COL10A1: variants seen among roughly 807,000 people sequenced by gnomAD.
COL10A1 encodes collagen type X alpha 1 chain.
A neutral mutation model predicts 18.2 loss-of-function variants in COL10A1; 10 were observed. The observed-to-expected ratio is 0.55, with a 90% CI of 0.34 to 0.93. COL10A1 has a LOEUF of 0.93. COL10A1 is among the 40% of genes least tolerant of loss of function. The probability of loss-of-function intolerance (pLI) is 0.02; values close to 1 mark genes in which losing one functional copy is unlikely to be tolerated. For missense variants in COL10A1, 897 were observed against 853.5 expected, an observed-to-expected ratio of 1.05 and a Z score of -0.64; for synonymous variants, 330 against 316.6, an observed-to-expected ratio of 1.04 and a Z score of -0.45.
At chr6:116,162,316 G>T (rs1780355141), upstream of COL10A1, among the ~76,000 whole-genome samples, 1 of 152,114 alleles carries the variant, frequency 6.6e-6, no homozygotes, top group East Asian at 1.9e-4. Context: ...TTACTATGTT[G>T]AATAGGAGTG....
chr6:116,135,600 T>G (rs1294545607), intron 1 of COL10A1, among the ~76,000 whole-genome samples: 2 of 151,696 alleles, frequency 1.3e-5, no homozygotes, highest in Non-Finnish European at 2.9e-5. Context: ...AAAAGCATTT[T>G]GCACGAGCTA....
At chr6:116,142,339 G>A (rs1440677203) in intron 1 of COL10A1, among the ~76,000 whole-genome samples, 1 of 150,580 alleles carries the variant, frequency 6.6e-6, no homozygotes, top group African/African-American at 2.4e-5. Context: ...GAGATTTCAA[G>A]TTGTAAAAAA....
rs530914126 is a variant in COL10A1, at chr6:116,119,757, A to ATT, written c.*314_*315dup. On this transcript the variant is annotated 3_prime_UTR_variant, in exon 3 of 3. Transcript: ENST00000651968. ...AGCTCTATTTCTGTTTTTTTTTTTA[A>ATT]TTTTTTTTTTGTTGTTTGTTTTTTG... 1.0e-4 allele frequency: 23 copies of ATT among 219,790 alleles called. No individual in the cohort carries two copies. The highest frequency in any genetic ancestry group is 1.9e-4 in the East Asian group (2 of 10,524). 13.6% of individuals were successfully genotyped at this position (219,790 alleles called of 1,614,324 possible).
upstream of COL10A1, among the ~76,000 whole-genome samples, chr6:116,163,143 T>TATATATATAC (rs1554197065): frequency 2.4e-4 from 19 of 79,086 alleles, no homozygotes; most frequent in African/African-American, 1.3e-3. Context: ...AAAAAAAAAA[T>TATATATATAC]ATATATATAT....
the COL10A1 span, among the ~76,000 whole-genome samples, chr6:116,181,325 A>T: frequency 6.6e-6 from 1 of 152,080 alleles, no homozygotes; most frequent in Admixed American, 6.6e-5. Context: ...TCTTACAGAA[A>T]TATTAGCAAA....
the COL10A1 span, among the ~76,000 whole-genome samples, chr6:116,188,618 A>G: frequency 6.6e-6 from 1 of 152,050 alleles, no homozygotes; most frequent in Non-Finnish European, 1.5e-5. Flanking sequence ...GTAAAGCCAG[A>G]AAAGTAAGGA....
chr6:116,209,374 A>G, the COL10A1 span, among the ~76,000 whole-genome samples: 2 of 152,072 alleles, frequency 1.3e-5, no homozygotes, highest in Admixed American at 1.3e-4. Context: ...TCCCACACAC[A>G]CTTACTTCTG....
intron 1 of COL10A1, among the ~76,000 whole-genome samples, chr6:116,138,326 G>C (rs948212275): frequency 4.6e-5 from 7 of 152,186 alleles, no homozygotes; most frequent in Non-Finnish European, 1.0e-4. Flanking sequence ...TAGGATTTAT[G>C]AGAAACAGTA....
chr6:116,122,608 T>C lies in COL10A1; in HGVS notation c.155-647A>G, dbSNP rs567703382. On this transcript the variant is annotated intron_variant, in intron 2 of 2. Coordinates refer to ENST00000651968, the MANE Select transcript of COL10A1 (RefSeq NM_000493.4). ...TACAAATATATAGTGTTTGATTTCA[T>C]AGAGCTGTGAGTTCACTTGACCTGA... Among the ~76,000 whole-genome samples, 5 of 152,348 alleles carry C rather than the reference T, an allele frequency of 3.3e-5. No homozygotes were observed. The East Asian group carries it at 5.8e-4, about 18-fold the overall frequency.
At chr6:116,206,300 C>T in the COL10A1 span, among the ~76,000 whole-genome samples, 2 of 151,940 alleles carry the variant, frequency 1.3e-5, no homozygotes, top group Non-Finnish European at 2.9e-5. Flanking sequence ...ATGTGTAAAG[C>T]ATTGTGCTAA....
chr6:116,190,746 C>T, the COL10A1 span, among the ~76,000 whole-genome samples: 1 of 152,076 alleles, frequency 6.6e-6, no homozygotes, highest in Admixed American at 6.6e-5. Flanking sequence ...CTGTGAGAGT[C>T]ATGTGGTATG....
the COL10A1 span, among the ~76,000 whole-genome samples, chr6:116,173,785 C>G: frequency 6.6e-6 from 1 of 152,148 alleles, no homozygotes; most frequent in South Asian, 2.1e-4. Context: ...CTAATGTTCA[C>G]ATCTTACATT....
intron 1 of COL10A1, among the ~76,000 whole-genome samples, chr6:116,153,417 A>G (rs1464691447): frequency 3.3e-5 from 5 of 152,132 alleles, no homozygotes; most frequent in South Asian, 2.1e-4. Flanking sequence ...ACATTCAGTT[A>G]TCTTTAAGCA....
At chr6:116,194,768 T>C in the COL10A1 span, among the ~76,000 whole-genome samples, 1 of 152,012 alleles carries the variant, frequency 6.6e-6, no homozygotes, top group Non-Finnish European at 1.5e-5. Flanking sequence ...TGACTAAAGG[T>C]AGTGGCTTTT....
the COL10A1 span, among the ~76,000 whole-genome samples, chr6:116,184,944 C>G: frequency 6.6e-6 from 1 of 151,916 alleles, no homozygotes; most frequent in Non-Finnish European, 1.5e-5. Context: ...TCTTATTTCT[C>G]TAGCTCCTTG....
chr6:116,156,483 T>C (rs550956010), intron 1 of COL10A1, among the ~76,000 whole-genome samples: 2 of 152,278 alleles, frequency 1.3e-5, no homozygotes, highest in African/African-American at 4.8e-5. Context: ...ATGCTGTGTA[T>C]AGTGCAAAGT....
upstream of COL10A1, among the ~76,000 whole-genome samples, chr6:116,130,142 T>C (rs996756470): frequency 2.6e-4 from 39 of 152,162 alleles, no homozygotes; most frequent in African/African-American, 9.4e-4. Context: ...GGATATTCTC[T>C]ATAAAGAAAA....
the COL10A1 span, among the ~76,000 whole-genome samples, chr6:116,177,309 G>A: frequency 2.0e-5 from 3 of 152,136 alleles, no homozygotes; most frequent in East Asian, 1.9e-4. Context: ...ATTCATGGGC[G>A]TTATAGACTT....
chr6:116,184,791 C>G, the COL10A1 span, among the ~76,000 whole-genome samples: 1 of 151,960 alleles, frequency 6.6e-6, no homozygotes. Flanking sequence ...GTTATTCTCA[C>G]TAATGGTCTA....
Sources: gnomAD v4.1 joint callset for allele counts (sites outside exome capture counted in the v4.1 genomes callset) on GRCh38, gnomAD v4.1.1 for gene constraint, MANE v1.5 for transcripts, NCBI Gene and HGNC (gene_info 2026-07-23, HGNC 2026-07-21) for gene names.